LTA: variants seen among roughly 807,000 people sequenced by gnomAD.
LTA encodes lymphotoxin alpha.
Under a neutral mutation model 15.1 loss-of-function variants are expected in LTA, and 6 were observed. The observed-to-expected ratio is 0.40, with a 90% CI of 0.22 to 0.78. The LOEUF (loss-of-function observed/expected upper bound fraction) is 0.78. LTA is among the 30% of genes least tolerant of loss of function. LTA has a pLI of 0.38. For synonymous variants in LTA, 87 were observed against 107.3 expected, an observed-to-expected ratio of 0.81 and a Z score of 1.17; for missense variants, 173 against 249.5, an observed-to-expected ratio of 0.69 and a Z score of 2.06.
In LTA at chr6:31,573,778, G is replaced by A. The variant is rs750206308; in HGVS notation, c.*85G>A. 1.6e-5 allele frequency: 24 copies of A among 1,481,218 alleles called. No individual in the cohort carries two copies. The highest frequency in any genetic ancestry group is 1.1e-4 in the African/African-American group (8 of 72,170). The allele number at this position is 1,481,218 out of a possible 1,614,324, so 91.8% of individuals were successfully genotyped here. A position where few individuals can be genotyped will look rare whatever the true frequency, so the allele number is the denominator to read the frequency against. ...CTCCATTCTGACCATTTCAGGGGTC[G>A]TCACCACCTCTCCTTTGGCCATTCC... On this transcript the variant is annotated 3_prime_UTR_variant, in exon 4 of 4. Coordinates refer to ENST00000418386, the MANE Select transcript of LTA (RefSeq NM_000595.4).
At chr6:31,568,794 G>A (rs1381762354), upstream of LTA, among the ~76,000 whole-genome samples, 1 of 152,016 alleles carries the variant, frequency 6.6e-6, no homozygotes, top group East Asian at 1.9e-4. This position sits in a 1 kb window ranked among gnomAD's most constrained non-coding sequence, Gnocchi z 4.1. Context: ...CCATCTCAAG[G>A]AGCATCCTTC....
chr6:31,572,641 C>T (rs1221197188), intron 1 of LTA, 93 bp from the exon 2 acceptor site: 6 of 830,400 alleles, frequency 7.2e-6, no homozygotes, highest in East Asian at 2.5e-5. Flanking sequence ...TCTCGGGGGT[C>T]GGGGGGTGCT....
chr6:31,566,777 T>G, the LTA span, among the ~76,000 whole-genome samples: 1 of 150,422 alleles, frequency 6.6e-6, no homozygotes, highest in Non-Finnish European at 1.5e-5. Flanking sequence ...CTTTCTCTAC[T>G]AAAAGTACAA....
chr6:31,563,544 C>G, the LTA span, among the ~76,000 whole-genome samples: 1 of 152,170 alleles, frequency 6.6e-6, no homozygotes, highest in Non-Finnish European at 1.5e-5. Flanking sequence ...CTTATGGTGA[C>G]TCAGCTGTCT....
the LTA span, among the ~76,000 whole-genome samples, chr6:31,565,261 G>A: frequency 6.6e-6 from 1 of 152,220 alleles, no homozygotes; most frequent in Non-Finnish European, 1.5e-5. Context: ...GACAGGATTT[G>A]AAAATGTGAA....
chr6:31,564,970 A>G, the LTA span, among the ~76,000 whole-genome samples: 1 of 152,168 alleles, frequency 6.6e-6, no homozygotes, highest in East Asian at 1.9e-4. Flanking sequence ...AGACTGAGCT[A>G]GTTATACAAG....
At chr6:31,562,859 CAAAAAAA>C in the LTA span, among the ~76,000 whole-genome samples, 1 of 93,484 alleles carries the variant, frequency 1.1e-5, no homozygotes, top group Non-Finnish European at 2.1e-5. Context: ...GACTCAGTCT[CAAAAAAA>C]AAAAAAAAAA....
chr6:31,572,449 G>T lies in LTA; in HGVS notation c.-10+3G>T. The T allele has an allele frequency of 1.9e-6, 1 of 534,072 alleles. No homozygotes were observed. The highest frequency in any genetic ancestry group is 3.5e-5 in the Admixed American group (1 of 28,594). The allele number at this position is 534,072 out of a possible 1,614,324, so 33.1% of individuals were successfully genotyped here. A position where few individuals can be genotyped will look rare whatever the true frequency, so the allele number is the denominator to read the frequency against. On this transcript the variant is annotated splice_donor_region_variant and intron_variant, in intron 1 of 3. Transcript: ENST00000418386. ...GGCCTGCCTGGGCCTGGGCCTTGGT[G>T]GGTTTGGTTTTGGTTTCCTTCTCTG...
At chr6:31,563,807 C>T in the LTA span, among the ~76,000 whole-genome samples, 141 of 152,212 alleles carry the variant, frequency 9.3e-4, no homozygotes, top group African/African-American at 2.8e-3. Flanking sequence ...GGGGCTTCAC[C>T]ACATTGGCCG....
upstream of LTA, among the ~76,000 whole-genome samples, chr6:31,567,650 A>G (rs894941399): frequency 1.9e-5 from 1 of 53,618 alleles, no homozygotes; most frequent in Non-Finnish European, 3.5e-5. Flanking sequence ...CCTGCAACAC[A>G]CACACACACA....
At position 31,573,854 on chromosome 6, in the gene LTA, T is replaced by C. The variant is rs570168150; in HGVS notation, c.*161T>C. 48 of 852,346 alleles carry C rather than the reference T, an allele frequency of 5.6e-5. No homozygotes were observed. The highest frequency in any genetic ancestry group is 8.6e-5 in the Non-Finnish European group (45 of 520,800). The allele number at this position is 852,346 out of a possible 1,614,324, so 52.8% of individuals were successfully genotyped here. A position where few individuals can be genotyped will look rare whatever the true frequency, so the allele number is the denominator to read the frequency against. On this transcript the variant is annotated 3_prime_UTR_variant, in exon 4 of 4. Coordinates refer to ENST00000418386, the MANE Select transcript of LTA (RefSeq NM_000595.4). ...GTCACCGGAGCTTTCAAAGAAGGAA[T>C]TCTAGGCATCCCAGGGGACCACACC...
chr6:31,572,616 C>A, intron 1 of LTA, 118 bp from the exon 2 acceptor site: 1 of 671,472 alleles, frequency 1.5e-6, no homozygotes, highest in Non-Finnish European at 2.6e-6. Context: ...TTGTCCCCTT[C>A]TCTGTCGATC....
In LTA at chr6:31,572,393, G is replaced by A. The variant is rs56245447; in HGVS notation, c.-63G>A. ...GTGTCCTGCCCTCTGCCTGGGCCTC[G>A]GTCCCTCCTGCACCTGCTGCCTGGA... is the stretch of plus-strand genomic sequence containing the variant. On this transcript the variant is annotated 5_prime_UTR_variant, in exon 1 of 4. Coordinates refer to ENST00000418386, the MANE Select transcript of LTA (RefSeq NM_000595.4). 3.9e-4 allele frequency: 168 copies of A among 429,696 alleles called. No homozygotes were observed. Among genetic ancestry groups the A allele is most frequent in the South Asian group, 8.9e-4 (26 of 29,266 alleles). The allele number at this position is 429,696 out of a possible 1,614,324, so 26.6% of individuals were successfully genotyped here.
chr6:31,561,824 T>C, the LTA span, among the ~76,000 whole-genome samples: 9,797 of 152,068 alleles, frequency 0.064, 408 homozygotes, highest in Middle Eastern at 0.13. Context: ...CTATACATTA[T>C]AGTTATAATG....
At chr6:31,572,656 C>G in intron 1 of LTA, 78 bp from the exon 2 acceptor site, 1 of 1,002,142 alleles carries the variant, frequency 1.0e-6, no homozygotes, top group African/African-American at 1.7e-5. Context: ...GGTGCTCTCT[C>G]CCAGGGCGGG....
upstream of LTA, among the ~76,000 whole-genome samples, chr6:31,568,134 A>G (rs559484905): frequency 1.4e-4 from 22 of 152,294 alleles, no homozygotes; most frequent in Admixed American, 7.9e-4. The surrounding 1 kb of genome is among the most constrained non-coding windows in gnomAD (Gnocchi z 4.1). Flanking sequence ...TCACTGGAAT[A>G]CAAGCTCCAC....
chr6:31,573,119 C>T lies in LTA; in HGVS notation c.205+86C>T, dbSNP rs1165517939. The T allele has an allele frequency of 6.4e-6, 8 of 1,242,100 alleles. No individual in the cohort carries two copies. In the Admixed American group the frequency reaches 9.7e-5, roughly 15 times the overall value. The allele number at this position is 1,242,100 out of a possible 1,614,324, so 76.9% of individuals were successfully genotyped here. On this transcript the variant is annotated intron_variant, in intron 3 of 3. Transcript: ENST00000418386. Reference sequence around the variant, plus strand: ...AGGAACCCAAGCATCCACCCCTCTCCCCCAACTTCCCCCACGCTAAAAAAA... The same window carrying T: ...AGGAACCCAAGCATCCACCCCTCTCTCCCAACTTCCCCCACGCTAAAAAAA...
chr6:31,564,304 A>G, the LTA span, among the ~76,000 whole-genome samples: 2 of 151,972 alleles, frequency 1.3e-5, no homozygotes, highest in Non-Finnish European at 2.9e-5. Context: ...CTCTGAGACG[A>G]AGTCTCGCTC....
chr6:31,570,644 GAAAC>G (rs4647189), upstream of LTA, among the ~76,000 whole-genome samples: 341 of 152,202 alleles, frequency 2.2e-3, 12 homozygotes, highest in South Asian at 0.034. Context: ...ACAAAAACTA[GAAAC>G]AAACCAAATC....
Sources: gnomAD v4.1 joint callset for allele counts (sites outside exome capture counted in the v4.1 genomes callset) on GRCh38, gnomAD v4.1.1 for gene constraint, Gnocchi (gnomAD v3.1) non-coding constraint, MANE v1.5 for transcripts, NCBI Gene and HGNC (gene_info 2026-07-23, HGNC 2026-07-21) for gene names.